Variants in KCTD8 observed in about 807,000 individuals in gnomAD.
KCTD8 encodes the protein BTB/POZ domain-containing protein KCTD8.
KCTD8 carries 27 observed loss-of-function variants against 31.5 expected under a neutral mutation model. The ratio of observed to expected loss-of-function variants is 0.86; its 90% confidence interval spans 0.63 to 1.18. The LOEUF is 1.18. Among genes scored for constraint, KCTD8 ranks in the 50% most tolerant of loss-of-function variants. The pLI, the probability that KCTD8 is intolerant of heterozygous loss-of-function variation, is 0.00. For synonymous variants in KCTD8, 290 were observed against 280.0 expected (o/e 1.04, Z -0.36); for missense variants, 658 against 647.7 (o/e 1.02, Z -0.17).
chr4:44,261,472 G>A (rs150901349), intron 1 of KCTD8, among the ~76,000 whole-genome samples: 1 of 151,988 alleles, frequency 6.6e-6, no homozygotes, highest in Admixed American at 6.6e-5. Flanking sequence ...TCTATTTTCA[G>A]AATATTTCAC....
At chr4:44,199,537 A>G (rs1171963270) in intron 1 of KCTD8, among the ~76,000 whole-genome samples, 3 of 152,072 alleles carry the variant, frequency 2.0e-5, no homozygotes, top group Admixed American at 6.6e-5. Context: ...AAATTAATCA[A>G]CTTGCTCCAG....
rs17641523 is a variant in KCTD8, at chr4:44,210,071, G to T, written c.962-34821C>A. On this transcript the variant is annotated intron_variant, in intron 1 of 1. Transcript: ENST00000360029. ...AGGCAAATTAACCTCTCTGAATTCA[G>T]TTTGAGATCTTCCTGTTTGAATGCC... Among the ~76,000 whole-genome samples, 2,434 of 152,220 alleles carry T rather than the reference G, an allele frequency of 0.016. 172 individuals carry two copies. In the East Asian group the frequency reaches 0.23, roughly 14 times the overall value.
At chr4:44,308,636 G>A (rs999339437) in intron 1 of KCTD8, among the ~76,000 whole-genome samples, 1 of 152,010 alleles carries the variant, frequency 6.6e-6, no homozygotes, top group African/African-American at 2.4e-5. Context: ...AAATGAGAGT[G>A]ACTAGGTGTA....
chr4:44,437,511 T>C (rs1721692111), intron 1 of KCTD8, among the ~76,000 whole-genome samples: 1 of 152,194 alleles, frequency 6.6e-6, no homozygotes, highest in African/African-American at 2.4e-5. Context: ...AATCTGGATT[T>C]CCCTCAGTTT....
intron 1 of KCTD8, among the ~76,000 whole-genome samples, chr4:44,298,847 G>A (rs1340293329): frequency 1.3e-5 from 2 of 152,090 alleles, no homozygotes; most frequent in East Asian, 3.9e-4. Flanking sequence ...AATATTGATT[G>A]AAAGATAGTA....
intron 1 of KCTD8, among the ~76,000 whole-genome samples, chr4:44,182,153 C>G (rs559871702): frequency 6.6e-6 from 1 of 151,560 alleles, no homozygotes; most frequent in East Asian, 2.0e-4. Context: ...CCAGCCGCCC[C>G]GTCCGAGAGG....
chr4:44,388,354 G>A (rs889120450), intron 1 of KCTD8, among the ~76,000 whole-genome samples: 1 of 151,898 alleles, frequency 6.6e-6, no homozygotes, highest in South Asian at 2.1e-4. Flanking sequence ...CCATTACTGG[G>A]TATATGCCCA....
At chr4:44,348,672 A>C (rs1170225570) in intron 1 of KCTD8, among the ~76,000 whole-genome samples, 6 of 152,222 alleles carry the variant, frequency 3.9e-5, no homozygotes, top group Admixed American at 6.5e-5. Flanking sequence ...AACATCATTA[A>C]AGTCTACACA....
Position 44,352,307 on chromosome 4 carries a change from C to T in KCTD8, c.961+95256G>A, listed in dbSNP as rs146160393. Among the ~76,000 whole-genome samples, 1,474 of 151,904 alleles carry T rather than the reference C, an allele frequency of 9.7e-3. 17 individuals carry two copies. The highest frequency in any genetic ancestry group is 0.015 in the Non-Finnish European group (1,025 of 67,916). ...TGTGATATATGTGATGATGGTTAGC[C>T]TGTAACACTAGGGTTTCTCAAAGAT... On this transcript the variant is annotated intron_variant, in intron 1 of 1. Coordinates refer to ENST00000360029, the MANE Select transcript of KCTD8 (RefSeq NM_198353.3).
chr4:44,194,423 T>C (rs1279492052), intron 1 of KCTD8, among the ~76,000 whole-genome samples: 3 of 152,202 alleles, frequency 2.0e-5, no homozygotes, highest in Non-Finnish European at 4.4e-5. Flanking sequence ...ACCTTCTATG[T>C]AGATCAATGG....
chr4:44,185,235 C>T (rs1254234608), intron 1 of KCTD8, among the ~76,000 whole-genome samples: 1 of 152,000 alleles, frequency 6.6e-6, no homozygotes, highest in African/African-American at 2.4e-5. Context: ...CTTGTCATGT[C>T]TTATCAATTC....
chr4:44,400,867 G>A (rs1229428771), intron 1 of KCTD8, among the ~76,000 whole-genome samples: 4 of 151,260 alleles, frequency 2.6e-5, no homozygotes, highest in Admixed American at 1.3e-4. Context: ...TTTAGTTTGA[G>A]AGTCTGTCAT....
chr4:44,306,702 T>C (rs1479608816), intron 1 of KCTD8, among the ~76,000 whole-genome samples: 1 of 152,008 alleles, frequency 6.6e-6, no homozygotes, highest in Non-Finnish European at 1.5e-5. Flanking sequence ...GAACATGTTC[T>C]GTCTAATGTG....
intron 1 of KCTD8, among the ~76,000 whole-genome samples, chr4:44,200,188 G>A (rs1392170350): frequency 1.3e-5 from 2 of 150,976 alleles, no homozygotes; most frequent in African/African-American, 4.9e-5. Flanking sequence ...CAAGAAAAAT[G>A]TCCTGGACAA....
chr4:44,353,112 T>C (rs1316820595), intron 1 of KCTD8, among the ~76,000 whole-genome samples: 2 of 152,126 alleles, frequency 1.3e-5, no homozygotes, highest in Admixed American at 6.6e-5. Flanking sequence ...TCTTACCACA[T>C]TGCAGTCAAT....
At chr4:44,390,988 G>A (rs1435935166) in intron 1 of KCTD8, among the ~76,000 whole-genome samples, 2 of 151,798 alleles carry the variant, frequency 1.3e-5, no homozygotes, top group African/African-American at 2.4e-5. Context: ...ACTTGCACAC[G>A]ACTCAGCCAT....
chr4:44,306,959 A>G (rs1717822341), intron 1 of KCTD8, among the ~76,000 whole-genome samples: 1 of 152,010 alleles, frequency 6.6e-6, no homozygotes, highest in Admixed American at 6.6e-5. Context: ...AAAGATATAA[A>G]GAGTGGCTAA....
At chr4:44,315,390 A>G (rs1473601183) in intron 1 of KCTD8, among the ~76,000 whole-genome samples, 1 of 152,090 alleles carries the variant, frequency 6.6e-6, no homozygotes, top group Admixed American at 6.5e-5. Flanking sequence ...TAATACAAAA[A>G]GGTTAAACCA....
At chr4:44,353,805 G>T (rs1347355829) in intron 1 of KCTD8, among the ~76,000 whole-genome samples, 2 of 152,066 alleles carry the variant, frequency 1.3e-5, no homozygotes, top group Non-Finnish European at 2.9e-5. Flanking sequence ...CCTTTCCAAA[G>T]TAAACTTTTA....
Sources: gnomAD v4.1 joint callset for allele counts (sites outside exome capture counted in the v4.1 genomes callset) on GRCh38, gnomAD v4.1.1 for gene constraint, MANE v1.5 for transcripts, NCBI Gene and HGNC (gene_info 2026-07-23, HGNC 2026-07-21) for gene names.